The following BNC2 variants were observed in gnomAD, a reference collection of about 807,000 sequenced individuals.
The protein encoded by BNC2 is basonuclin zinc finger protein 2.
BNC2 carries 20 observed loss-of-function variants against 76.3 expected under a neutral mutation model. The observed-to-expected ratio is 0.26, with a 90% CI of 0.18 to 0.38. BNC2 has a LOEUF of 0.38. Ranked by LOEUF, BNC2 falls within the 10% of genes least tolerant of loss-of-function variation. The pLI, the probability that BNC2 is intolerant of heterozygous loss-of-function variation, is 1.00. For missense variants in BNC2, 1,382 were observed against 1,399.8 expected (o/e 0.99, Z 0.20); for synonymous variants, 582 against 514.8 (o/e 1.13, Z -1.77).
chr9:16,630,024 A>C (rs983093964), intron 3 of BNC2, among the ~76,000 whole-genome samples: 1 of 152,246 alleles, frequency 6.6e-6, no homozygotes, highest in Admixed American at 6.5e-5. Context: ...GACTTCTTTC[A>C]AAATTGGAGT....
At chr9:16,423,291 A>G (rs1253483526) in intron 6 of BNC2, among the ~76,000 whole-genome samples, 1 of 152,240 alleles carries the variant, frequency 6.6e-6, no homozygotes, top group Non-Finnish European at 1.5e-5. Flanking sequence ...AAGAACATGA[A>G]CAGTAGAAAG....
At chr9:16,757,407 C>G (rs1388695310) in intron 1 of BNC2, among the ~76,000 whole-genome samples, 1 of 152,150 alleles carries the variant, frequency 6.6e-6, no homozygotes, top group African/African-American at 2.4e-5. Flanking sequence ...TCCAGCTTAT[C>G]AAGACAGAGA....
At position 16,700,150 on chromosome 9, in the gene BNC2, G is replaced by A. The variant is rs1390897406; in HGVS notation, c.330+27647C>T. 3.3e-5 allele frequency among the ~76,000 whole-genome samples: 5 copies of A among 152,194 alleles called. No individual in the cohort carries two copies. In the East Asian group the frequency reaches 9.6e-4, roughly 29 times the overall value. ...AAATGAAGTAGAGTCTGTAGACACA[G>A]ACTTCAGTTAGACATAAAACTGTGA... is the stretch of plus-strand genomic sequence containing the variant. On this transcript the variant is annotated intron_variant, in intron 3 of 6. Transcript: ENST00000380672.
At chr9:16,421,632 G>A (rs1201100225) in intron 6 of BNC2, among the ~76,000 whole-genome samples, 2 of 152,030 alleles carry the variant, frequency 1.3e-5, no homozygotes, top group African/African-American at 4.8e-5. Flanking sequence ...TTGTCCCCAC[G>A]GTCCCTGCTC....
intron 1 of BNC2, among the ~76,000 whole-genome samples, chr9:16,770,214 T>G (rs902008518): frequency 5.3e-5 from 8 of 151,758 alleles, no homozygotes; most frequent in Non-Finnish European, 8.8e-5. Flanking sequence ...TACAGGAGAG[T>G]TGACAGTGGA....
intron 2 of BNC2, among the ~76,000 whole-genome samples, chr9:16,734,201 G>A (rs759172640): frequency 6.6e-6 from 1 of 152,112 alleles, no homozygotes; most frequent in African/African-American, 2.4e-5. Flanking sequence ...ATGCATGCAC[G>A]CCAACTACTG....
At chr9:16,826,810 TGATGGATGGATA>T (rs1818462112) in intron 1 of BNC2, among the ~76,000 whole-genome samples, 2 of 152,018 alleles carry the variant, frequency 1.3e-5, no homozygotes, top group African/African-American at 4.8e-5. Flanking sequence ...ACAGATGAAA[TGATGGATGGATA>T]GATGGATGGA....
chr9:16,555,574 T>A (rs559162725), intron 4 of BNC2, among the ~76,000 whole-genome samples: 3 of 151,370 alleles, frequency 2.0e-5, no homozygotes, highest in Non-Finnish European at 4.4e-5. Flanking sequence ...GACGGCAGAT[T>A]GCCTAAGCCA....
chr9:16,681,155 C>T (rs914394876), intron 3 of BNC2, among the ~76,000 whole-genome samples: 1 of 152,136 alleles, frequency 6.6e-6, no homozygotes, highest in African/African-American at 2.4e-5. Context: ...AGCAAGCAGA[C>T]AATAGGAAAC....
chr9:16,792,350 T>A (rs182107824), intron 1 of BNC2, among the ~76,000 whole-genome samples: 258 of 152,322 alleles, frequency 1.7e-3, no homozygotes, highest in African/African-American at 6.1e-3. Context: ...ACTCCGTAAG[T>A]GAAGTTCTTC....
intron 3 of BNC2, among the ~76,000 whole-genome samples, chr9:16,711,909 C>G (rs1823863208): frequency 6.6e-6 from 1 of 152,152 alleles, no homozygotes; most frequent in Admixed American, 6.5e-5. Flanking sequence ...TCCCTAATCG[C>G]TCACCCAATC....
chr9:16,571,484 C>T (rs1276987554), intron 4 of BNC2, among the ~76,000 whole-genome samples: 1 of 151,906 alleles, frequency 6.6e-6, no homozygotes, highest in Non-Finnish European at 1.5e-5. Context: ...TTTATGTAGC[C>T]GAAAGCAGAA....
At chr9:16,612,504 T>C (rs1235490341) in intron 3 of BNC2, among the ~76,000 whole-genome samples, 1 of 152,180 alleles carries the variant, frequency 6.6e-6, no homozygotes, top group Non-Finnish European at 1.5e-5. Context: ...CAAAATATTA[T>C]ATGACAAGAT....
chr9:16,499,512 C>T (rs1822472395), intron 5 of BNC2, among the ~76,000 whole-genome samples: 1 of 149,702 alleles, frequency 6.7e-6, no homozygotes, highest in Non-Finnish European at 1.5e-5. Context: ...TAGCTCCTCC[C>T]TAAATATCTT....
intron 1 of BNC2, among the ~76,000 whole-genome samples, chr9:16,833,219 AGAC>A (rs1256411491): frequency 1.3e-5 from 2 of 152,156 alleles, no homozygotes; most frequent in African/African-American, 2.4e-5. Context: ...CCTATTCATC[AGAC>A]GATGAATAAG....
At chr9:16,500,861 T>C (rs1822502786) in intron 5 of BNC2, among the ~76,000 whole-genome samples, 1 of 152,194 alleles carries the variant, frequency 6.6e-6, no homozygotes, top group African/African-American at 2.4e-5. Context: ...CAGGTGGTTA[T>C]TGGGTTGTCT....
intron 5 of BNC2, among the ~76,000 whole-genome samples, chr9:16,507,281 G>A (rs559358094): frequency 8.3e-5 from 10 of 120,406 alleles, no homozygotes; most frequent in East Asian, 2.7e-4. Flanking sequence ...TTTTTGAGAC[G>A]GAGTCTCGTT....
chr9:16,425,813 G>A (rs1410254068), intron 6 of BNC2, among the ~76,000 whole-genome samples: 1 of 152,202 alleles, frequency 6.6e-6, no homozygotes, highest in Non-Finnish European at 1.5e-5. Flanking sequence ...GCTGTGGAAT[G>A]CATAAAAAAT....
chr9:16,684,128 C>T (rs530946833), intron 3 of BNC2, among the ~76,000 whole-genome samples: 11 of 152,088 alleles, frequency 7.2e-5, no homozygotes, highest in Non-Finnish European at 1.5e-5. Flanking sequence ...TCTGCAAAAC[C>T]CAATTTTCTT....
Sources: allele counts gnomAD v4.1 joint callset (sites outside exome capture counted in the v4.1 genomes callset), GRCh38; gene constraint gnomAD v4.1.1; transcripts MANE v1.5; gene names NCBI Gene and HGNC (gene_info 2026-07-23, HGNC 2026-07-21).